Variants in TAGAP observed in about 807,000 individuals in gnomAD.
The protein encoded by TAGAP is T-cell activation Rho GTPase-activating protein.
A neutral mutation model predicts 36.0 loss-of-function variants in TAGAP; 16 were observed. The observed-to-expected ratio is 0.44, with a 90% CI of 0.30 to 0.68. The LOEUF is 0.68. Ranked by LOEUF, TAGAP falls within the 30% of genes least tolerant of loss-of-function variation. The probability of loss-of-function intolerance (pLI) is 0.09; values close to 1 mark genes in which losing one functional copy is unlikely to be tolerated. For missense variants in TAGAP, 794 were observed against 921.5 expected (o/e 0.86, Z 1.79); for synonymous variants, 372 against 377.4 (o/e 0.99, Z 0.17).
Position 159,039,328 on chromosome 6 carries a change from A to C in TAGAP, c.588-19T>G. 6.2e-7 allele frequency: 1 copy of C among 1,605,648 alleles called. No individual in the cohort carries two copies. Among genetic ancestry groups the C allele is most frequent in the Non-Finnish European group, 8.5e-7 (1 of 1,174,274 alleles). On this transcript the variant is annotated intron_variant, in intron 7 of 9. Transcript: ENST00000367066. ...TGCAACCCTGGAATAAAGTGAAGGG[A>C]TGTTAGTTTTCAAAAAGGCTAATGG... is the stretch of plus-strand genomic sequence containing the variant.
Position 159,040,706 on chromosome 6 carries a change from T to A in TAGAP, c.587+17A>T, listed in dbSNP as rs1299641455. ...GGTGATGTGGCCTGGCAATGACCGATGACTTTGATGACTTACTGTTTCAGG... is the reference window on the plus strand; with the variant it reads ...GGTGATGTGGCCTGGCAATGACCGAAGACTTTGATGACTTACTGTTTCAGG... On this transcript the variant is annotated intron_variant, in intron 7 of 9. Transcript: ENST00000367066. 6.2e-6 allele frequency: 10 copies of A among 1,605,960 alleles called. No individual in the cohort carries two copies. Among genetic ancestry groups the A allele is most frequent in the Admixed American group, 1.7e-5 (1 of 59,960 alleles).
In TAGAP at chr6:159,038,351, G is replaced by A. The variant is rs1779624604; in HGVS notation, c.784-123C>T. 3 of 584,802 alleles carry A rather than the reference G, an allele frequency of 5.1e-6. No individual in the cohort carries two copies. The African/African-American group carries it at 6.0e-5, about 12-fold the overall frequency. The allele number at this position is 584,802 out of a possible 1,614,324, so 36.2% of individuals were successfully genotyped here. On this transcript the variant is annotated intron_variant, in intron 8 of 9. Transcript: ENST00000367066. Reference sequence around the variant, plus strand: ...CAAAATGAGAATCTGAGATCTTTATGTGTCTGAAAAGAGCATACAGAAATT... The same window carrying A: ...CAAAATGAGAATCTGAGATCTTTATATGTCTGAAAAGAGCATACAGAAATT...
At chr6:159,044,346 A>G (rs1477237280) in intron 1 of TAGAP, 142 bp from the exon 2 acceptor site, 3 of 548,956 alleles carry the variant, frequency 5.5e-6, no homozygotes, top group African/African-American at 3.9e-5. Flanking sequence ...TACTTTGGAA[A>G]AAACTATTAC....
chr6:159,036,112 A>C lies in TAGAP; in HGVS notation c.1911T>G (p.Leu637=). ...MLEAHCLLPP[L]PPAHHVEDSR... ...AGTCCTCTACGTGGTGAGCAGGTGG[A>C]AGAGGGGGTAGGAGGCAGTGCGCCT... Residue 637 remains leucine (L), a synonymous_variant, in exon 10 of 10, where the codon CTT becomes CTG. Transcript: ENST00000367066. The surrounding 1 kb of genome is among the most constrained non-coding windows in gnomAD (Gnocchi z 4.9). 1 of 1,612,986 alleles carries C rather than the reference A, an allele frequency of 6.2e-7. No homozygotes were observed. Among genetic ancestry groups the C allele is most frequent in the Non-Finnish European group, 8.5e-7 (1 of 1,179,614 alleles).
Position 159,042,225 on chromosome 6 carries a change from C to A in TAGAP, c.168G>T (p.Lys56Asn). The A allele has an allele frequency of 6.2e-7, 1 of 1,611,830 alleles. No homozygotes were observed. The highest frequency in any genetic ancestry group is 8.5e-7 in the Non-Finnish European group (1 of 1,179,336). Residue 56 changes from lysine (K) to asparagine (N), a missense_variant, in exon 5 of 10, where the codon AAG (lysine) becomes AAT (asparagine). By Grantham distance (94) the Lys-to-Asn change is moderately conservative. Coordinates refer to ENST00000367066, the MANE Select transcript of TAGAP (RefSeq NM_054114.5). Reference protein sequence around the residue: ...CQLIEVKKRKKVLSWPFLMRR... With the variant: ...CQLIEVKKRKNVLSWPFLMRR... ...TCATGAGAAAGGGCCAGGACAGCAC[C>A]TTCTTTCTCTTCTTAACTTCTACAG...
Position 159,041,379 on chromosome 6 carries a change from A to G in TAGAP, c.452T>C (p.Val151Ala). ...GDAVDLERLP[V>A]HLLAVVFKDF... is the part of the protein sequence containing the mutation. Reference sequence around the variant, plus strand: ...CTTAAAGACCACAGCGAGGAGGTGCACGGGGAGCCTCTCCAGATCCACCGC... The same window carrying G: ...CTTAAAGACCACAGCGAGGAGGTGCGCGGGGAGCCTCTCCAGATCCACCGC... Residue 151 changes from valine (V) to alanine (A), a missense_variant, in exon 6 of 10, where the codon GTG becomes GCG. By Grantham distance (64) the Val-to-Ala change is moderately conservative. Coordinates refer to ENST00000367066, the MANE Select transcript of TAGAP (RefSeq NM_054114.5). The surrounding 1 kb of genome is among the most constrained non-coding windows in gnomAD (Gnocchi z 4.1). 6.2e-7 allele frequency: 1 copy of G among 1,613,928 alleles called. No homozygotes were observed. Among genetic ancestry groups the G allele is most frequent in the East Asian group, 2.2e-5 (1 of 44,898 alleles).
intron 3 of TAGAP, 120 bp downstream of exon 3, chr6:159,043,858 A>G (rs746477786): frequency 2.0e-6 from 2 of 1,013,730 alleles, no homozygotes; most frequent in Non-Finnish European, 3.0e-6. Context: ...AATTTACTAC[A>G]TGTGTGATGT....
Position 159,044,206 on chromosome 6 carries a change from T to C in TAGAP, c.-58-2A>G. The C allele has an allele frequency of 6.3e-7, 1 of 1,577,662 alleles. No homozygotes were observed. ...ACTCCCGTGTGGCTGTGCCTCTGTCTACAACGAATCACATGGAAAGGAGTT... is the reference window on the plus strand; with the variant it reads ...ACTCCCGTGTGGCTGTGCCTCTGTCCACAACGAATCACATGGAAAGGAGTT... On this transcript the variant is annotated splice_acceptor_variant, in intron 1 of 9. Transcript: ENST00000367066. LOFTEE classifies it low-confidence loss of function (5UTR_SPLICE).
At position 159,041,334 on chromosome 6, in the gene TAGAP, C is replaced by T. The variant is rs372981769; in HGVS notation, c.477+20G>A. The T allele has an allele frequency of 5.2e-5, 83 of 1,609,994 alleles. No individual in the cohort carries two copies. The highest frequency in any genetic ancestry group is 8.4e-5 in the Admixed American group (5 of 59,450). ...CAGGGCCCCTTGGCAGGTTATTTGG[C>T]GCAAGTGTGTTGAACTCACCTTAAA... On this transcript the variant is annotated intron_variant, in intron 6 of 9. Transcript: ENST00000367066. This position sits in a 1 kb window ranked among gnomAD's most constrained non-coding sequence, Gnocchi z 4.1.
chr6:159,038,865 C>T (rs1779652484), intron 8 of TAGAP: 10 of 1,351,948 alleles, frequency 7.4e-6, no homozygotes, highest in South Asian at 4.9e-5. Context: ...TTTTTTATAT[C>T]GGGAGAGAGT....
At position 159,041,739 on chromosome 6, in the gene TAGAP, T is replaced by C. The variant is rs953941648; in HGVS notation, c.316-224A>G. ...CTCTCTCCTTTCAAATACTTCCATA[T>C]GAACATTGGATTTCAGATCACAAAG... On this transcript the variant is annotated intron_variant, in intron 5 of 9. Transcript: ENST00000367066. The surrounding 1 kb of genome is among the most constrained non-coding windows in gnomAD (Gnocchi z 4.1). 3 of 565,406 alleles carry C rather than the reference T, an allele frequency of 5.3e-6. No individual in the cohort carries two copies. Among genetic ancestry groups the C allele is most frequent in the Non-Finnish European group, 9.2e-6 (3 of 326,234 alleles). The allele number at this position is 565,406 out of a possible 1,614,324, so 35.0% of individuals were successfully genotyped here.
chr6:159,044,826 G>T, intron 1 of TAGAP, 53 bp downstream of exon 1: 1 of 397,748 alleles, frequency 2.5e-6, no homozygotes, highest in South Asian at 1.3e-4. Flanking sequence ...AGTGACCTGT[G>T]ACTTGCGAGG....
rs1779485789 is a variant in TAGAP, at chr6:159,035,146, T to C, written c.*681A>G. On this transcript the variant is annotated 3_prime_UTR_variant, in exon 10 of 10. Coordinates refer to ENST00000367066, the MANE Select transcript of TAGAP (RefSeq NM_054114.5). ...ACTCAAAGTGCTATAGATGAGTTAATATTGATGTAATACATTTTCATTAAT... is the reference window on the plus strand; with the variant it reads ...ACTCAAAGTGCTATAGATGAGTTAACATTGATGTAATACATTTTCATTAAT... 1.3e-5 allele frequency: 2 copies of C among 152,370 alleles called. No individual in the cohort carries two copies. The highest frequency in any genetic ancestry group is 4.8e-5 in the African/African-American group (2 of 41,456). 9.4% of individuals were successfully genotyped at this position (152,370 alleles called of 1,614,324 possible).
intron 2 of TAGAP, 39 bp downstream of exon 2, chr6:159,044,081 T>C (rs781736441): frequency 5.6e-6 from 9 of 1,613,664 alleles, no homozygotes; most frequent in Non-Finnish European, 7.6e-6. Flanking sequence ...CCCTTGCCTG[T>C]AGGAAACGTG....
intron 8 of TAGAP, 157 bp downstream of exon 8, chr6:159,038,957 T>C: frequency 1.4e-6 from 2 of 1,478,642 alleles, no homozygotes; most frequent in Non-Finnish European, 9.0e-7. Flanking sequence ...TACATGTATC[T>C]GAGAGAGTGG....
At position 159,044,173 on chromosome 6, in the gene TAGAP, T is replaced by G. The variant is rs1583782667; in HGVS notation, c.-27A>C. ...AGTATTGCGGCTGACTGTCCAGGGGTGGATTTCACTCCCGTGTGGCTGTGC... is the reference window on the plus strand; with the variant it reads ...AGTATTGCGGCTGACTGTCCAGGGGGGGATTTCACTCCCGTGTGGCTGTGC... On this transcript the variant is annotated 5_prime_UTR_variant, in exon 2 of 10. Coordinates refer to ENST00000367066, the MANE Select transcript of TAGAP (RefSeq NM_054114.5). 6.2e-7 allele frequency: 1 copy of G among 1,608,620 alleles called. No individual in the cohort carries two copies. The highest frequency in any genetic ancestry group is 8.5e-7 in the Non-Finnish European group (1 of 1,178,662).
chr6:159,035,791 A>C lies in TAGAP; in HGVS notation c.*36T>G. 6.5e-7 allele frequency: 1 copy of C among 1,544,706 alleles called. No homozygotes were observed. Among genetic ancestry groups the C allele is most frequent in the Non-Finnish European group, 8.8e-7 (1 of 1,139,022 alleles). On this transcript the variant is annotated 3_prime_UTR_variant, in exon 10 of 10. Coordinates refer to ENST00000367066, the MANE Select transcript of TAGAP (RefSeq NM_054114.5). ...TTCTTTACAAGTCTCATATTTACAG[A>C]TAGCACAAGCTATGGCATGGCGTAT...
In TAGAP at chr6:159,036,776, T is replaced by G; in HGVS notation, c.1247A>C (p.Glu416Ala). The change falls in exon 10 of 10, where the codon GAG (glutamate) becomes GCG (alanine). Residue 416 changes from glutamate to alanine, a missense_variant. Glu to Ala is a moderately radical substitution (Grantham distance 107). Transcript: ENST00000367066. The surrounding 1 kb of genome is among the most constrained non-coding windows in gnomAD (Gnocchi z 4.9). ...VPRVGSRLES[E>A]EAEDPFPEEV... ...CTCTGGAAATGGGTCTTCAGCCTCC[T>G]CACTTTCCAAACGAGAGCCTACCCG... 6.2e-7 allele frequency: 1 copy of G among 1,614,196 alleles called. No homozygotes were observed. The highest frequency in any genetic ancestry group is 1.1e-5 in the South Asian group (1 of 91,084).
Position 159,036,409 on chromosome 6 carries a change from G to T in TAGAP, c.1614C>A (p.His538Gln). 6.2e-7 allele frequency: 1 copy of T among 1,614,138 alleles called. No individual in the cohort carries two copies. Among genetic ancestry groups the T allele is most frequent in the African/African-American group, 1.3e-5 (1 of 75,028 alleles). ...SGKSQDFTRD[H>Q]VPRGVRKESQ... ...TTTCCTTTCTGACACCCCTCGGGAC[G>T]TGGTCCCTGGTAAAGTCTTGCGATT... The change falls in exon 10 of 10, where the codon CAC (histidine) becomes CAA (glutamine). Residue 538 changes from histidine (H) to glutamine (Q), a missense_variant. Coordinates refer to ENST00000367066, the MANE Select transcript of TAGAP (RefSeq NM_054114.5). The surrounding 1 kb of genome is among the most constrained non-coding windows in gnomAD (Gnocchi z 4.9).
Sources: gnomAD v4.1 joint callset for allele counts on GRCh38, gnomAD v4.1.1 for gene constraint, Gnocchi (gnomAD v3.1) non-coding constraint, MANE v1.5 for transcripts, NCBI Gene and HGNC (gene_info 2026-07-23, HGNC 2026-07-21) for gene names.